RASAL2: variants seen among roughly 807,000 people sequenced by gnomAD.
RASAL2 encodes RAS protein activator like 2, also known as ras GTPase-activating protein nGAP.
A neutral mutation model predicts 128.9 loss-of-function variants in RASAL2; 58 were observed. That is an observed-to-expected ratio of 0.45 (90% CI 0.36 to 0.56). The LOEUF (loss-of-function observed/expected upper bound fraction) is 0.56, where lower values mean the gene tolerates loss of function less well. Among genes scored for constraint, RASAL2 ranks in the 20% least tolerant of loss-of-function variants. The pLI, the probability that RASAL2 is intolerant of heterozygous loss-of-function variation, is 0.00. For synonymous variants in RASAL2, 561 were observed against 580.8 expected (o/e 0.97, Z 0.49); for missense variants, 1,360 against 1,601.6 (o/e 0.85, Z 2.57).
At chr1:178,326,154 AT>A (rs1014821161) in intron 3 of RASAL2, among the ~76,000 whole-genome samples, 4 of 152,048 alleles carry the variant, frequency 2.6e-5, no homozygotes, top group Admixed American at 6.6e-5. Context: ...ATAAATAAGA[AT>A]TTTTTTTAAC....
intron 2 of RASAL2, among the ~76,000 whole-genome samples, chr1:178,284,965 C>G (rs1232095660): frequency 6.6e-6 from 1 of 152,096 alleles, no homozygotes; most frequent in Non-Finnish European, 1.5e-5. Context: ...TCCCCTTTCT[C>G]TTCTCTTGCT....
intron 1 of RASAL2, among the ~76,000 whole-genome samples, chr1:178,159,323 T>TA (rs1452539936): frequency 5.3e-5 from 8 of 152,292 alleles, no homozygotes; most frequent in Non-Finnish European, 8.8e-5. Flanking sequence ...TCCATATTGA[T>TA]ACTGTATCTC....
chr1:178,200,695 A>G lies in RASAL2; in HGVS notation c.203-82869A>G, dbSNP rs185467819. Among the ~76,000 whole-genome samples, 371 of 152,312 alleles carry G rather than the reference A, an allele frequency of 2.4e-3. 1 individual carries two copies. The highest frequency in any genetic ancestry group is 8.6e-3 in the African/African-American group (358 of 41,566). The stretch of plus-strand genomic sequence containing the variant: ...TGGACAGCCTCGCCAGGTGTCTACT[A>G]TTAAAGTGAGGGCATTTACTGGAAA... On this transcript the variant is annotated intron_variant, in intron 1 of 17. Transcript: ENST00000367649.
intron 15 of RASAL2, 24 bp from the exon 16 acceptor site, chr1:178,465,896 G>C: frequency 6.8e-7 from 1 of 1,464,632 alleles, no homozygotes; most frequent in African/African-American, 1.4e-5. Context: ...TCTAGTTTTT[G>C]TCTCCTTGCC....
chr1:178,467,542 G>C, intron 17 of RASAL2, 121 bp downstream of exon 17: 1 of 746,882 alleles, frequency 1.3e-6, no homozygotes, highest in South Asian at 1.6e-5. Flanking sequence ...AGTTCTAGAC[G>C]CTACATTTTG....
Position 178,450,215 on chromosome 1 carries a change from G to A in RASAL2, c.1628-1356G>A, listed in dbSNP as rs1677279960. Among the ~76,000 whole-genome samples the A allele has an allele frequency of 3.3e-5, 5 of 152,106 alleles. No individual in the cohort carries two copies. The South Asian group carries it at 1.0e-3, about 32-fold the overall frequency. On this transcript the variant is annotated intron_variant, in intron 9 of 17. Transcript: ENST00000367649. ...ACTTTTTGTATGGTGCACCTACTAA[G>A]AGCCAGGTACCATATTAGATGCTTT... is the stretch of plus-strand genomic sequence containing the variant.
At chr1:178,139,252 C>A in intron 1 of RASAL2, among the ~76,000 whole-genome samples, 1 of 151,882 alleles carries the variant, frequency 6.6e-6, no homozygotes, top group Admixed American at 6.6e-5. Flanking sequence ...AGATTTCTTT[C>A]TCTCATGGGA....
chr1:178,125,775 AT>A (rs1428976305), intron 1 of RASAL2, among the ~76,000 whole-genome samples: 1 of 152,218 alleles, frequency 6.6e-6, no homozygotes, highest in African/African-American at 2.4e-5. Context: ...GGGATATATA[AT>A]CCTACATTTT....
intron 17 of RASAL2, among the ~76,000 whole-genome samples, chr1:178,472,554 T>C (rs1648372271): frequency 6.6e-6 from 1 of 152,234 alleles, no homozygotes; most frequent in Non-Finnish European, 1.5e-5. Flanking sequence ...TTGGTGACTC[T>C]ACACTGCCAC....
chr1:178,306,306 A>T (rs953366431), intron 3 of RASAL2, among the ~76,000 whole-genome samples: 1 of 152,170 alleles, frequency 6.6e-6, no homozygotes, highest in African/African-American at 2.4e-5. Flanking sequence ...ATTGTTGGAC[A>T]TTTGGGTTGG....
chr1:178,174,319 G>A (rs1156247228), intron 1 of RASAL2, among the ~76,000 whole-genome samples: 1 of 151,948 alleles, frequency 6.6e-6, no homozygotes, highest in African/African-American at 2.4e-5. Flanking sequence ...TTATTTGGGA[G>A]TTGGGTTCAG....
intron 1 of RASAL2, among the ~76,000 whole-genome samples, chr1:178,208,839 A>G (rs1418357719): frequency 6.6e-6 from 1 of 152,072 alleles, no homozygotes; most frequent in African/African-American, 2.4e-5. Flanking sequence ...ATGTGATGTC[A>G]CCCCTGGCGG....
intron 4 of RASAL2, among the ~76,000 whole-genome samples, chr1:178,390,422 C>T (rs933647089): frequency 7.2e-5 from 11 of 152,070 alleles, no homozygotes; most frequent in African/African-American, 2.4e-4. Context: ...CTCTGTCATC[C>T]AGGCTGGAGT....
At chr1:178,320,759 C>T (rs1057169571) in intron 3 of RASAL2, among the ~76,000 whole-genome samples, 4 of 152,214 alleles carry the variant, frequency 2.6e-5, no homozygotes, top group South Asian at 2.1e-4. Flanking sequence ...TCTTCTGCCT[C>T]GCTCACGCTG....
chr1:178,401,267 TAATC>T (rs1377481228), intron 4 of RASAL2, among the ~76,000 whole-genome samples: 1 of 152,226 alleles, frequency 6.6e-6, no homozygotes, highest in African/African-American at 2.4e-5. Context: ...AGTTTTTAAT[TAATC>T]AACATTGTGT....
At chr1:178,306,698 T>C (rs995021912) in intron 3 of RASAL2, among the ~76,000 whole-genome samples, 1 of 152,048 alleles carries the variant, frequency 6.6e-6, no homozygotes. Flanking sequence ...AGTGTCTTCT[T>C]TTGAGAAGTG....
At chr1:178,342,335 C>T (rs1251838425) in intron 3 of RASAL2, among the ~76,000 whole-genome samples, 1 of 152,172 alleles carries the variant, frequency 6.6e-6, no homozygotes, top group Non-Finnish European at 1.5e-5. Context: ...AAACCCAGAT[C>T]TCCTTATTGT....
intron 1 of RASAL2, among the ~76,000 whole-genome samples, chr1:178,102,313 CA>C (rs1209181958): frequency 6.6e-6 from 1 of 151,992 alleles, no homozygotes; most frequent in Non-Finnish European, 1.5e-5. Context: ...AGATAACTAT[CA>C]TTTTTTTTTA....
chr1:178,354,520 C>A (rs1429089214), intron 3 of RASAL2, among the ~76,000 whole-genome samples: 2 of 152,110 alleles, frequency 1.3e-5, no homozygotes, highest in African/African-American at 2.4e-5. Flanking sequence ...AGGTCTCAAT[C>A]AATACAAGAA....
Sources: allele counts gnomAD v4.1 joint callset (sites outside exome capture counted in the v4.1 genomes callset), GRCh38; gene constraint gnomAD v4.1.1; transcripts MANE v1.5; gene names NCBI Gene and HGNC (gene_info 2026-07-23, HGNC 2026-07-21).